Variants in GNA14 observed in about 807,000 individuals in gnomAD.
GNA14 encodes the protein guanine nucleotide-binding protein subunit alpha-14.
A neutral mutation model predicts 42.0 loss-of-function variants in GNA14; 50 were observed. The ratio of observed to expected loss-of-function variants is 1.19; its 90% confidence interval spans 0.95 to 1.51. GNA14 has a LOEUF of 1.51. GNA14 is among the 40% of genes most tolerant of loss of function. The pLI is 0.00. For synonymous variants in GNA14, 173 were observed against 163.1 expected (o/e 1.06, Z -0.46); for missense variants, 473 against 446.2 (o/e 1.06, Z -0.54).
intron 1 of GNA14, among the ~76,000 whole-genome samples, chr9:77,643,774 C>A (rs1350609815): frequency 1.3e-5 from 2 of 152,122 alleles, no homozygotes; most frequent in Non-Finnish European, 2.9e-5. Context: ...TCTGTTAAAG[C>A]ACTACCACAA....
rs1837011201 is a variant in GNA14 at position 77,503,706 on chromosome 9, G to GGA, written c.309+25361_309+25362dup. ...TTGCTCTTGCTCTGTGGCCCAGGCT[G>GGA]GAGTGCAGTGGTGTGATCTCGGCTC... On this transcript the variant is annotated intron_variant, in intron 2 of 6. Transcript: ENST00000341700. Among the ~76,000 whole-genome samples, 7 of 147,834 alleles carry GGA rather than the reference G, an allele frequency of 4.7e-5. No individual in the cohort carries two copies. In the South Asian group the frequency reaches 1.5e-3, roughly 32 times the overall value.
At chr9:77,434,550 C>T in intron 2 of GNA14, 28 bp from the exon 3 acceptor site, 2 of 1,602,456 alleles carry the variant, frequency 1.2e-6, no homozygotes, top group Non-Finnish European at 1.7e-6. Flanking sequence ...AACCTTGCAT[C>T]AGGCAAAGGA....
At chr9:77,550,208 A>C (rs544331190) in intron 1 of GNA14, among the ~76,000 whole-genome samples, 132 of 152,188 alleles carry the variant, frequency 8.7e-4, no homozygotes, top group Non-Finnish European at 1.7e-3. Context: ...TTGAAGCAGT[A>C]ACTATCAATG....
chr9:77,518,624 T>A (rs1837299990), intron 2 of GNA14, among the ~76,000 whole-genome samples: 1 of 152,204 alleles, frequency 6.6e-6, no homozygotes, highest in African/African-American at 2.4e-5. Context: ...GTTATTCCTG[T>A]TATCATCAAC....
rs1836499223 is a variant in GNA14, at chr9:77,479,383, T to A, written c.310-44861A>T. Among the ~76,000 whole-genome samples the A allele has an allele frequency of 2.0e-5, 3 of 152,262 alleles. 1 individual carries two copies. In the South Asian group the frequency reaches 6.2e-4, roughly 32 times the overall value. On this transcript the variant is annotated intron_variant, in intron 2 of 6. Transcript: ENST00000341700. ...CTCTGTTCTGTTCCATTGATCTATA[T>A]CTCTGTTTTGGTACCAGTACCATGC...
At chr9:77,614,194 T>C (rs1410755938) in intron 1 of GNA14, among the ~76,000 whole-genome samples, 2 of 152,162 alleles carry the variant, frequency 1.3e-5, no homozygotes, top group South Asian at 2.1e-4. Flanking sequence ...CTCTGCCTTC[T>C]CTAACCAAAG....
rs1554689041 is a variant in GNA14, at chr9:77,458,905, G to GCGGGT, written c.310-24384_310-24383insACCCG. 6.0e-4 allele frequency among the ~76,000 whole-genome samples: 29 copies of GCGGGT among 47,964 alleles called. 1 individual carries two copies. Among genetic ancestry groups the GCGGGT allele is most frequent in the Non-Finnish European group, 1.0e-3 (27 of 25,994 alleles). 31.5% of individuals were successfully genotyped at this position (47,964 alleles called of 152,430 possible). A position where few individuals can be genotyped will look rare whatever the true frequency, so the allele number is the denominator to read the frequency against. On this transcript the variant is annotated intron_variant, in intron 2 of 6. Transcript: ENST00000341700. ...TAAGCTCCTTTTATCACAAGCTGGA[G>GCGGGT]GGGGGGGGGTTGTCCTCTTCTCCCC...
intron 2 of GNA14, among the ~76,000 whole-genome samples, chr9:77,493,014 A>T (rs1264655561): frequency 2.1e-5 from 2 of 93,986 alleles, no homozygotes; most frequent in South Asian, 3.0e-4. Context: ...AAAAAAAAAA[A>T]AAAAAAAAAA....
At chr9:77,568,491 C>CA (rs35795655) in intron 1 of GNA14, among the ~76,000 whole-genome samples, 194 of 126,880 alleles carry the variant, frequency 1.5e-3, no homozygotes, top group Middle Eastern at 8.1e-3. Context: ...GACTCCATCT[C>CA]AAAAAAAAAA....
rs373041029 is a variant in GNA14, at chr9:77,514,996, G to A, written c.309+14073C>T. Among the ~76,000 whole-genome samples, 9 of 152,270 alleles carry A rather than the reference G, an allele frequency of 5.9e-5. No homozygotes were observed. In the South Asian group the frequency reaches 1.9e-3, roughly 32 times the overall value. On this transcript the variant is annotated intron_variant, in intron 2 of 6. Coordinates refer to ENST00000341700, the MANE Select transcript of GNA14 (RefSeq NM_004297.4). Reference sequence around the variant, plus strand: ...CAGTTTCAGGACGTTCAGGCAGATGGAGGATGTGAGATGACAGTGAGGCCT... The same window carrying A: ...CAGTTTCAGGACGTTCAGGCAGATGAAGGATGTGAGATGACAGTGAGGCCT...
At chr9:77,612,270 CCACT>C (rs1451953402) in intron 1 of GNA14, among the ~76,000 whole-genome samples, 1 of 152,004 alleles carries the variant, frequency 6.6e-6, no homozygotes, top group Non-Finnish European at 1.5e-5. Context: ...AAGATTACAC[CCACT>C]CAAAGAACTA....
At chr9:77,458,046 T>A (rs1436818449) in intron 2 of GNA14, among the ~76,000 whole-genome samples, 1 of 152,224 alleles carries the variant, frequency 6.6e-6, no homozygotes, top group Admixed American at 6.5e-5. Context: ...GTTGTTTTCC[T>A]TTTGTAGTGA....
intron 2 of GNA14, among the ~76,000 whole-genome samples, chr9:77,485,842 G>T (rs1836650866): frequency 6.6e-6 from 1 of 152,168 alleles, no homozygotes; most frequent in Non-Finnish European, 1.5e-5. Flanking sequence ...AAAATATTCA[G>T]TAAATCATTC....
At position 77,601,205 on chromosome 9, in the gene GNA14, T is replaced by C. The variant is rs146088581; in HGVS notation, c.124+46465A>G. On this transcript the variant is annotated intron_variant, in intron 1 of 6. Transcript: ENST00000341700. ...TTGTTTTTGTTTTTTTGTTTTCTTT[T>C]TTCCTTTTGCCCAATAAATTCCATT... Among the ~76,000 whole-genome samples, 739 of 152,316 alleles carry C rather than the reference T, an allele frequency of 4.9e-3. 9 individuals are homozygous for C. The highest frequency in any genetic ancestry group is 0.01 in the Middle Eastern group (3 of 294).
rs118079544 is a variant in GNA14 at position 77,623,496 on chromosome 9, G to C, written c.124+24174C>G. On this transcript the variant is annotated intron_variant, in intron 1 of 6. Transcript: ENST00000341700. ...AGTGGCTGGCAAGATGGCTGAATAG[G>C]AACAGCTCCTGTCTGCAGCTCCCAG... Among the ~76,000 whole-genome samples the C allele has an allele frequency of 6.0e-3, 921 of 152,254 alleles. 6 individuals are homozygous for C. Among genetic ancestry groups the C allele is most frequent in the Admixed American group, 9.3e-3 (143 of 15,300 alleles).
At chr9:77,645,898 T>TA (rs1274338135) in intron 1 of GNA14, among the ~76,000 whole-genome samples, 1 of 152,104 alleles carries the variant, frequency 6.6e-6, no homozygotes, top group Non-Finnish European at 1.5e-5. Flanking sequence ...AAAAGTTACA[T>TA]ACGCAACTAA....
chr9:77,539,356 C>A (rs2068648338), intron 1 of GNA14, among the ~76,000 whole-genome samples: 1 of 152,070 alleles, frequency 6.6e-6, no homozygotes, highest in South Asian at 2.1e-4. Context: ...GGTATAAATT[C>A]TAGTTGGTCA....
intron 1 of GNA14, among the ~76,000 whole-genome samples, chr9:77,577,542 A>G (rs1240726071): frequency 6.6e-6 from 1 of 152,224 alleles, no homozygotes; most frequent in Admixed American, 6.5e-5. Flanking sequence ...CCCTCCCTCT[A>G]GCACTGTCAT....
chr9:77,594,888 G>A (rs151185159), intron 1 of GNA14, among the ~76,000 whole-genome samples: 296 of 152,314 alleles, frequency 1.9e-3, no homozygotes, highest in South Asian at 5.4e-3. Context: ...TTTGTTTCAA[G>A]CAAGGAGAGA....
Sources: gnomAD v4.1 joint callset for allele counts (sites outside exome capture counted in the v4.1 genomes callset) on GRCh38, gnomAD v4.1.1 for gene constraint, MANE v1.5 for transcripts, NCBI Gene and HGNC (gene_info 2026-07-23, HGNC 2026-07-21) for gene names.